Variants in AMD1 observed in about 807,000 individuals in gnomAD.
AMD1 encodes S-adenosylmethionine decarboxylase proenzyme.
AMD1 carries 11 observed loss-of-function variants against 40.2 expected under a neutral mutation model. The ratio of observed to expected loss-of-function variants is 0.27; its 90% CI spans 0.17 to 0.45. The LOEUF is 0.45. AMD1 is among the 20% of genes least tolerant of loss of function. AMD1 has a pLI of 1.00. For synonymous variants in AMD1, 121 were observed against 130.8 expected (o/e 0.93, Z 0.51); for missense variants, 257 against 410.2 (o/e 0.63, Z 3.23).
chr6:110,879,968 CT>C (rs113295813), intron 1 of AMD1, among the ~76,000 whole-genome samples: 161 of 144,654 alleles, frequency 1.1e-3, no homozygotes, highest in Non-Finnish European at 9.0e-4. Flanking sequence ...AGTTCTTGGT[CT>C]TTTTTTTTTT....
chr6:110,820,492 C>G, the AMD1 span, among the ~76,000 whole-genome samples: 1 of 152,030 alleles, frequency 6.6e-6, no homozygotes, highest in Admixed American at 6.5e-5. Context: ...CTGCCTTGGC[C>G]TCCCAAAGTG....
the AMD1 span, among the ~76,000 whole-genome samples, chr6:110,852,068 T>TC: frequency 2.0e-5 from 3 of 151,456 alleles, no homozygotes; most frequent in African/African-American, 7.3e-5. Context: ...TTTTTTTTTT[T>TC]TTGAGAAAGA....
the AMD1 span, among the ~76,000 whole-genome samples, chr6:110,818,212 G>A: frequency 6.6e-6 from 1 of 152,116 alleles, no homozygotes; most frequent in Non-Finnish European, 1.5e-5. Context: ...CTTTAGAATT[G>A]CAACCCAGGA....
chr6:110,820,371 G>A, the AMD1 span, among the ~76,000 whole-genome samples: 2 of 151,626 alleles, frequency 1.3e-5, no homozygotes, highest in African/African-American at 2.4e-5. Context: ...CAGGTAGCTG[G>A]GATTATAGGC....
At chr6:110,843,420 C>A in the AMD1 span, among the ~76,000 whole-genome samples, 3 of 145,612 alleles carry the variant, frequency 2.1e-5, no homozygotes, top group Non-Finnish European at 4.5e-5. Context: ...GCTGAGATGG[C>A]CCCACTGCAC....
the AMD1 span, among the ~76,000 whole-genome samples, chr6:110,827,334 G>T: frequency 6.7e-6 from 1 of 150,264 alleles, no homozygotes; most frequent in Non-Finnish European, 1.5e-5. Context: ...TTTTAAGGTG[G>T]GTTTCACTGT....
At chr6:110,833,613 T>TA in the AMD1 span, among the ~76,000 whole-genome samples, 1 of 152,234 alleles carries the variant, frequency 6.6e-6, no homozygotes, top group Non-Finnish European at 1.5e-5. Flanking sequence ...TATACTTTTA[T>TA]AAAAATTAAT....
the AMD1 span, among the ~76,000 whole-genome samples, chr6:110,854,887 G>T: frequency 6.6e-6 from 1 of 152,054 alleles, no homozygotes; most frequent in Non-Finnish European, 1.5e-5. Context: ...ATTACATAGT[G>T]CTAAATACAC....
At chr6:110,863,542 G>T in the AMD1 span, among the ~76,000 whole-genome samples, 1 of 151,320 alleles carries the variant, frequency 6.6e-6, no homozygotes, top group African/African-American at 2.4e-5. Context: ...GCTAATTTTT[G>T]TATTTTTAGT....
chr6:110,882,232 C>T lies in AMD1; in HGVS notation c.111-5273C>T, dbSNP rs151266887. Among the ~76,000 whole-genome samples, 156 of 152,322 alleles carry T rather than the reference C, an allele frequency of 1.0e-3. 2 individuals are homozygous for T. The East Asian group carries it at 0.027, about 26-fold the overall frequency. The stretch of plus-strand genomic sequence containing the variant: ...CTGCAACCTAATTTTAAAAATGGCT[C>T]TGTCGACTGTATAAAGCACTTTGTC... On this transcript the variant is annotated intron_variant, in intron 1 of 8. Coordinates refer to ENST00000368885, the MANE Select transcript of AMD1 (RefSeq NM_001634.6).
At chr6:110,874,217 G>T (rs1202939900), upstream of AMD1, among the ~76,000 whole-genome samples, 1 of 152,242 alleles carries the variant, frequency 6.6e-6, no homozygotes, top group South Asian at 2.1e-4. Context: ...GCCAAGGCGT[G>T]AGCAGAATTA....
At chr6:110,836,277 A>C in the AMD1 span, among the ~76,000 whole-genome samples, 1 of 152,162 alleles carries the variant, frequency 6.6e-6, no homozygotes, top group Admixed American at 6.6e-5. Flanking sequence ...GGTGTTAAAA[A>C]AATTTATGTA....
At chr6:110,829,591 C>T in the AMD1 span, among the ~76,000 whole-genome samples, 3 of 151,978 alleles carry the variant, frequency 2.0e-5, no homozygotes, top group Non-Finnish European at 4.4e-5. Flanking sequence ...ATGGCGTGAA[C>T]CCAGGAGGCA....
At chr6:110,875,286 G>A (rs1163314730) in intron 1 of AMD1, 71 bp downstream of exon 1, 6 of 1,258,494 alleles carry the variant, frequency 4.8e-6, no homozygotes, top group Non-Finnish European at 6.8e-6. Flanking sequence ...CCAGCCACGG[G>A]TGGAGCCCGA....
chr6:110,861,473 G>T, the AMD1 span, among the ~76,000 whole-genome samples: 1 of 150,694 alleles, frequency 6.6e-6, no homozygotes, highest in Non-Finnish European at 1.5e-5. Flanking sequence ...GCACTGAGCC[G>T]AGATCATGCC....
intron 1 of AMD1, among the ~76,000 whole-genome samples, chr6:110,879,303 G>T (rs1424186398): frequency 6.6e-6 from 1 of 152,192 alleles, no homozygotes; most frequent in Non-Finnish European, 1.5e-5. Flanking sequence ...GCAGCGAAAT[G>T]AGATTGCACC....
the AMD1 span, among the ~76,000 whole-genome samples, chr6:110,847,081 T>A: frequency 6.6e-6 from 1 of 151,718 alleles, no homozygotes; most frequent in Non-Finnish European, 1.5e-5. Context: ...TGTGTGTGTG[T>A]GTGTGTGTAT....
chr6:110,890,083 G>C, intron 3 of AMD1, 171 bp from the exon 4 acceptor site: 1 of 526,552 alleles, frequency 1.9e-6, no homozygotes, highest in East Asian at 3.4e-5. Context: ...TGATCCTCCT[G>C]CCTCCTAATA....
chr6:110,846,226 G>A, the AMD1 span, among the ~76,000 whole-genome samples: 3 of 151,890 alleles, frequency 2.0e-5, no homozygotes, highest in African/African-American at 2.4e-5. Context: ...GTGACAGTGT[G>A]ACTGTCTCAA....
Sources: gnomAD v4.1 joint callset for allele counts (sites outside exome capture counted in the v4.1 genomes callset) on GRCh38, gnomAD v4.1.1 for gene constraint, MANE v1.5 for transcripts, NCBI Gene and HGNC (gene_info 2026-07-23, HGNC 2026-07-21) for gene names.